Variants in LTBP1 observed in about 807,000 individuals in gnomAD.
LTBP1 encodes latent-transforming growth factor beta-binding protein 1.
In LTBP1, 129 loss-of-function variants were observed where a neutral mutation model predicts 207.6. That is an observed-to-expected ratio of 0.62 (90% CI 0.54 to 0.72). The LOEUF (loss-of-function observed/expected upper bound fraction) is 0.72, where lower values mean the gene tolerates loss of function less well. LTBP1 is among the 30% of genes least tolerant of loss of function. LTBP1 has a pLI of 0.00. For missense variants in LTBP1, 2,281 were observed against 2,217.2 expected (o/e 1.03, Z -0.58); for synonymous variants, 963 against 833.7 (o/e 1.16, Z -2.67).
Position 33,360,375 on chromosome 2 carries a change from A to G in LTBP1, c.4001-222A>G, listed in dbSNP as rs185760775. 1.1e-4 allele frequency among the ~76,000 whole-genome samples: 16 copies of G among 152,374 alleles called. No individual in the cohort carries two copies. In the East Asian group the frequency reaches 2.9e-3, roughly 28 times the overall value. On this transcript the variant is annotated intron_variant, in intron 26 of 33. Coordinates refer to ENST00000404816, the MANE Select transcript of LTBP1 (RefSeq NM_206943.4). ...GTTCACGTAAAAGGAAATGGTTTTG[A>G]CAGATTTACACTCTTGGGGTATGTT...
At chr2:33,320,407 A>AG (rs1019325410) in intron 24 of LTBP1, among the ~76,000 whole-genome samples, 10 of 151,996 alleles carry the variant, frequency 6.6e-5, no homozygotes, top group African/African-American at 2.4e-4. Flanking sequence ...AAAAAAAAAA[A>AG]AAAAGAAAAG....
chr2:33,042,610 A>C (rs777863368), intron 3 of LTBP1, among the ~76,000 whole-genome samples: 1 of 152,204 alleles, frequency 6.6e-6, no homozygotes, highest in Non-Finnish European at 1.5e-5. Context: ...AAAACACTGC[A>C]AGGCCCAATT....
At chr2:33,396,196 G>A (rs62150383) in intron 32 of LTBP1, among the ~76,000 whole-genome samples, 19,828 of 151,360 alleles carry the variant, frequency 0.13, 1,503 homozygotes, top group Non-Finnish European at 0.16. Context: ...GTGTGTGTGT[G>A]TGTTTTGTTT....
At chr2:33,298,261 C>CTG (rs1178566793) in intron 20 of LTBP1, among the ~76,000 whole-genome samples, 1 of 152,210 alleles carries the variant, frequency 6.6e-6, no homozygotes, top group African/African-American at 2.4e-5. Context: ...TGCAAGATAA[C>CTG]TGTGTTGCCT....
At chr2:32,971,226 T>C (rs533558586) in intron 2 of LTBP1, among the ~76,000 whole-genome samples, 1 of 152,278 alleles carries the variant, frequency 6.6e-6, no homozygotes, top group East Asian at 1.9e-4. Flanking sequence ...TATAAAATCA[T>C]ATTGTCTGCA....
chr2:33,357,297 G>A (rs1426329936), intron 26 of LTBP1, among the ~76,000 whole-genome samples: 1 of 152,074 alleles, frequency 6.6e-6, no homozygotes, highest in Non-Finnish European at 1.5e-5. Context: ...CAGAGCCAGG[G>A]GACATGATTG....
chr2:33,221,877 C>A (rs2091131355), intron 8 of LTBP1, among the ~76,000 whole-genome samples: 1 of 152,056 alleles, frequency 6.6e-6, no homozygotes, highest in South Asian at 2.1e-4. Flanking sequence ...CTGATAATTT[C>A]TTGGGACTTT....
intron 7 of LTBP1, among the ~76,000 whole-genome samples, chr2:33,195,331 A>G (rs1002651750): frequency 2.0e-5 from 3 of 152,214 alleles, no homozygotes; most frequent in African/African-American, 7.2e-5. Flanking sequence ...TTGCCATTCT[A>G]GATGCCATTA....
chr2:32,947,414 C>G lies in LTBP1; in HGVS notation c.90C>G (p.Tyr30Ter). 7.0e-7 allele frequency: 1 copy of G among 1,434,292 alleles called. No homozygotes were observed. Among genetic ancestry groups the G allele is most frequent in the Non-Finnish European group, 9.1e-7 (1 of 1,095,524 alleles). The allele number at this position is 1,434,292 out of a possible 1,614,324, so 88.8% of individuals were successfully genotyped here. ...ACGGCCGGCTGCGGAGGATCACCTA[C>G]GTGGTGCACCCGGGCCCCGGCCTGG... is the stretch of plus-strand genomic sequence containing the variant. ...SAHGRLRRIT[Y>*]VVHPGPGLAA... The change falls in exon 1 of 34, where the codon TAC (tyrosine) becomes TAG (stop). Residue 30 changes from tyrosine to a stop codon, truncating the protein, a stop_gained. Transcript: ENST00000404816. LOFTEE classifies it high-confidence loss of function.
chr2:33,099,042 A>G (rs923687684), intron 3 of LTBP1, among the ~76,000 whole-genome samples: 1 of 152,212 alleles, frequency 6.6e-6, no homozygotes, highest in Non-Finnish European at 1.5e-5. Context: ...TGCTCCAGAC[A>G]TATTGAAATA....
At chr2:33,337,821 G>A (rs1026624292) in intron 24 of LTBP1, among the ~76,000 whole-genome samples, 1 of 152,028 alleles carries the variant, frequency 6.6e-6, no homozygotes, top group Non-Finnish European at 1.5e-5. Context: ...TTCAACTTTA[G>A]CAAAAAAGGA....
chr2:33,188,760 C>T lies in LTBP1; in HGVS notation c.1610C>T (p.Thr537Ile), dbSNP rs750716603. The T allele has an allele frequency of 3.1e-6, 5 of 1,614,184 alleles. No homozygotes were observed. Among genetic ancestry groups the T allele is most frequent in the Non-Finnish European group, 2.5e-6 (3 of 1,180,042 alleles). The change falls in exon 7 of 34, where the codon ACA (threonine) becomes ATA (isoleucine). Residue 537 changes from threonine to isoleucine, a missense_variant. Transcript: ENST00000404816. ...PVQKTQTIHS[T>I]YSHQQVIPHV... ...CAGAAGACCCAGACCATACATTCCA[C>T]ATACTCCCACCAGCAGGTCATTCCT...
chr2:33,224,329 G>A (rs946160391), intron 9 of LTBP1, among the ~76,000 whole-genome samples: 58 of 152,118 alleles, frequency 3.8e-4, no homozygotes, highest in African/African-American at 1.4e-3. Flanking sequence ...ATCCAATCCT[G>A]CATAGCTAAT....
chr2:33,193,012 G>C (rs550629237), intron 7 of LTBP1, among the ~76,000 whole-genome samples: 1 of 152,270 alleles, frequency 6.6e-6, no homozygotes, highest in Admixed American at 6.5e-5. Flanking sequence ...AGGGGATTAA[G>C]TTTCTAACAC....
chr2:33,232,165 G>A (rs1252715398), intron 9 of LTBP1, among the ~76,000 whole-genome samples: 2 of 152,170 alleles, frequency 1.3e-5, no homozygotes, highest in Admixed American at 6.5e-5. Context: ...GCAGATCAGG[G>A]TGACCAGACA....
intron 4 of LTBP1, among the ~76,000 whole-genome samples, chr2:33,115,134 A>G (rs1451702013): frequency 6.6e-6 from 1 of 151,486 alleles, no homozygotes; most frequent in African/African-American, 2.4e-5. Context: ...ATATACACAC[A>G]CACACACAAT....
intron 3 of LTBP1, among the ~76,000 whole-genome samples, chr2:33,066,259 C>CA (rs2077504042): frequency 6.6e-6 from 1 of 152,106 alleles, no homozygotes; most frequent in Non-Finnish European, 1.5e-5. Context: ...CAGCCATACT[C>CA]ACTTGTTTAT....
rs148426084 is a variant in LTBP1 at position 33,370,328 on chromosome 2, A to G, written c.4711+4825A>G. Among the ~76,000 whole-genome samples, 586 of 152,350 alleles carry G rather than the reference A, an allele frequency of 3.8e-3. 4 individuals carry two copies. Among genetic ancestry groups the G allele is most frequent in the Admixed American group, 9.8e-3 (150 of 15,310 alleles). On this transcript the variant is annotated intron_variant, in intron 31 of 33. Coordinates refer to ENST00000404816, the MANE Select transcript of LTBP1 (RefSeq NM_206943.4). ...ACAAATGCAGAAATAATTGTTCTTA[A>G]TGTAAGACTGTCTTTTCTAGACCAC...
At chr2:33,295,535 A>G (rs891855287) in intron 20 of LTBP1, among the ~76,000 whole-genome samples, 4 of 152,086 alleles carry the variant, frequency 2.6e-5, no homozygotes, top group Admixed American at 6.6e-5. Context: ...TAGAGTCTCA[A>G]TGATGATAAT....
Sources: gnomAD v4.1 joint callset for allele counts (sites outside exome capture counted in the v4.1 genomes callset) on GRCh38, gnomAD v4.1.1 for gene constraint, MANE v1.5 for transcripts, NCBI Gene and HGNC (gene_info 2026-07-23, HGNC 2026-07-21) for gene names.